Variants in TAFA5 observed in about 807,000 individuals in gnomAD.
TAFA5 encodes the protein chemokine-like protein TAFA-5.
TAFA5 carries 6 observed loss-of-function variants against 15.3 expected under a neutral mutation model. That is an observed-to-expected ratio of 0.39 (90% confidence interval 0.21 to 0.77). The LOEUF (loss-of-function observed/expected upper bound fraction) is 0.77. Ranked by LOEUF, TAFA5 falls within the 30% of genes least tolerant of loss-of-function variation. The pLI, the probability that TAFA5 is intolerant of heterozygous loss-of-function variation, is 0.41. For missense variants in TAFA5, 161 were observed against 193.1 expected (o/e 0.83, Z 0.98); for synonymous variants, 103 against 80.7 (o/e 1.28, Z -1.48).
chr22:48,628,549 G>A (rs527301630), intron 1 of TAFA5, among the ~76,000 whole-genome samples: 41 of 152,200 alleles, frequency 2.7e-4, no homozygotes, highest in Non-Finnish European at 5.9e-4. Flanking sequence ...GGGCATAGAC[G>A]GGTTTGCTCC....
At position 48,552,329 on chromosome 22, in the gene TAFA5, AGT is replaced by A. The variant is rs891145195; in HGVS notation, c.112+62627_112+62628del. On this transcript the variant is annotated intron_variant, in intron 1 of 3. Transcript: ENST00000402357. This position sits in a 1 kb window ranked among gnomAD's most constrained non-coding sequence, Gnocchi z 4.1. The stretch of plus-strand genomic sequence containing the variant: ...GCAGGGAGGAGGGCTTCCTGGAGGC[AGT>A]GGCAGAAGTCTGATGGGCTGAAGCC... Among the ~76,000 whole-genome samples, 2 of 152,238 alleles carry A rather than the reference AGT, an allele frequency of 1.3e-5. No homozygotes were observed. The highest frequency in any genetic ancestry group is 4.8e-5 in the African/African-American group (2 of 41,554).
chr22:48,546,228 G>C (rs1262463231), intron 1 of TAFA5, among the ~76,000 whole-genome samples: 3 of 152,212 alleles, frequency 2.0e-5, no homozygotes, highest in Non-Finnish European at 4.4e-5. Flanking sequence ...CCACTCCTTG[G>C]TCAGCACTTC....
intron 3 of TAFA5, among the ~76,000 whole-genome samples, chr22:48,708,722 C>G (rs56183077): frequency 6.6e-6 from 1 of 152,138 alleles, no homozygotes; most frequent in Admixed American, 6.5e-5. Flanking sequence ...CCGGGCTCCA[C>G]GCTCTGGGAA....
chr22:48,665,765 C>T (rs1393857895), intron 2 of TAFA5, among the ~76,000 whole-genome samples: 2 of 152,222 alleles, frequency 1.3e-5, no homozygotes, highest in Non-Finnish European at 2.9e-5. Context: ...TATGTCTCAT[C>T]CGCTGAAAGC....
At position 48,742,787 on chromosome 22, in the gene TAFA5, G is replaced by A. The variant is rs1930219247; in HGVS notation, c.391-7052G>A. On this transcript the variant is annotated intron_variant, in intron 3 of 3. Transcript: ENST00000402357. This position sits in a 1 kb window ranked among gnomAD's most constrained non-coding sequence, Gnocchi z 6.2. ...GGCAGCATGGTGTATTAGAAGAGGA[G>A]AGATGGCCTGGGGTGCTCAGCGGGG... 6.6e-6 allele frequency among the ~76,000 whole-genome samples: 1 copy of A among 152,212 alleles called. No homozygotes were observed. The highest frequency in any genetic ancestry group is 6.5e-5 in the Admixed American group (1 of 15,276).
intron 1 of TAFA5, among the ~76,000 whole-genome samples, chr22:48,524,086 G>A: frequency 6.6e-6 from 1 of 152,330 alleles, no homozygotes; most frequent in South Asian, 2.1e-4. Context: ...TATTGCCTCT[G>A]ACCTTATTTT....
At chr22:48,504,356 C>G (rs1016031033) in intron 1 of TAFA5, among the ~76,000 whole-genome samples, 1 of 152,204 alleles carries the variant, frequency 6.6e-6, no homozygotes, top group African/African-American at 2.4e-5. Flanking sequence ...GAGCCCTCCC[C>G]ATGGGGGCGC....
At position 48,531,183 on chromosome 22, in the gene TAFA5, C is replaced by T. The variant is rs138081824; in HGVS notation, c.112+41479C>T. ...CCTTCTGCTTTTGTGATGAGCTGAG[C>T]GGCCCCTGGCCAACCCTTTCGGCCT... On this transcript the variant is annotated intron_variant, in intron 1 of 3. Coordinates refer to ENST00000402357, the MANE Select transcript of TAFA5 (RefSeq NM_001082967.3). Among the ~76,000 whole-genome samples, 681 of 152,308 alleles carry T rather than the reference C, an allele frequency of 4.5e-3. 10 individuals carry two copies. The highest frequency in any genetic ancestry group is 0.016 in the African/African-American group (660 of 41,556).
At chr22:48,650,965 C>T (rs1052022971) in intron 2 of TAFA5, among the ~76,000 whole-genome samples, 4 of 152,236 alleles carry the variant, frequency 2.6e-5, no homozygotes, top group Admixed American at 6.5e-5. Context: ...CACCACAGCA[C>T]GGCACTGAGG....
At chr22:48,711,863 G>T (rs132245) in intron 3 of TAFA5, among the ~76,000 whole-genome samples, 1 of 152,010 alleles carries the variant, frequency 6.6e-6, no homozygotes, top group East Asian at 1.9e-4. Flanking sequence ...AACCCCTTCC[G>T]GTGTGGGCCG....
intron 1 of TAFA5, among the ~76,000 whole-genome samples, chr22:48,538,589 CTG>C (rs1166404976): frequency 6.6e-6 from 1 of 152,240 alleles, no homozygotes; most frequent in Non-Finnish European, 1.5e-5. Flanking sequence ...GGGAGCATGA[CTG>C]TGCCTGCTCA....
At chr22:48,529,925 G>C (rs1239218218) in intron 1 of TAFA5, among the ~76,000 whole-genome samples, 1 of 152,082 alleles carries the variant, frequency 6.6e-6, no homozygotes, top group Non-Finnish European at 1.5e-5. Flanking sequence ...GGGAGTTGGG[G>C]CATCTGGGAC....
intron 1 of TAFA5, among the ~76,000 whole-genome samples, chr22:48,583,374 CACCACAT>C (rs1233928215): frequency 6.7e-6 from 1 of 150,086 alleles, no homozygotes; most frequent in Non-Finnish European, 1.5e-5. Flanking sequence ...ACATACCACA[CACCACAT>C]ACAAAATACA....
intron 2 of TAFA5, among the ~76,000 whole-genome samples, chr22:48,697,883 A>G (rs973441276): frequency 2.0e-5 from 3 of 149,928 alleles, no homozygotes; most frequent in African/African-American, 4.9e-5. Flanking sequence ...GATGGTAATA[A>G]TTGTCATGAT....
chr22:48,718,309 A>T (rs1929465696), intron 3 of TAFA5, among the ~76,000 whole-genome samples: 1 of 151,928 alleles, frequency 6.6e-6, no homozygotes, highest in African/African-American at 2.4e-5. Flanking sequence ...CTGCTGGAGG[A>T]AGAAGGGGGA....
intron 1 of TAFA5, among the ~76,000 whole-genome samples, chr22:48,585,205 CCA>C (rs909088626): frequency 7.1e-6 from 1 of 140,642 alleles, no homozygotes; most frequent in Non-Finnish European, 1.6e-5. Flanking sequence ...ATGCCAAACA[CCA>C]CACACACACA....
chr22:48,515,589 G>A (rs150035108), intron 1 of TAFA5, among the ~76,000 whole-genome samples: 42 of 152,170 alleles, frequency 2.8e-4, no homozygotes, highest in African/African-American at 9.6e-4. Context: ...CTTTCCTCAG[G>A]GACCTCTCTT....
At chr22:48,748,648 A>G (rs1388462629) in intron 3 of TAFA5, among the ~76,000 whole-genome samples, 1 of 152,176 alleles carries the variant, frequency 6.6e-6, no homozygotes, top group Non-Finnish European at 1.5e-5. Flanking sequence ...AGACGAGGCT[A>G]TGACAAGGTG....
intron 2 of TAFA5, among the ~76,000 whole-genome samples, chr22:48,700,334 G>C (rs773420288): frequency 1.6e-4 from 25 of 152,248 alleles, no homozygotes; most frequent in Non-Finnish European, 2.9e-4. Context: ...GGTGGGGTAG[G>C]CATCGGCCTT....
Sources: allele counts gnomAD v4.1 joint callset (sites outside exome capture counted in the v4.1 genomes callset), GRCh38; gene constraint gnomAD v4.1.1; non-coding constraint Gnocchi (gnomAD v3.1); transcripts MANE v1.5; gene names NCBI Gene and HGNC (gene_info 2026-07-23, HGNC 2026-07-21).